Variants in DNAH8 observed in about 807,000 individuals in gnomAD.
The protein encoded by DNAH8 is dynein axonemal heavy chain 8.
DNAH8 carries 382 observed loss-of-function variants against 562.1 expected under a neutral mutation model. The observed-to-expected ratio is 0.68, with a 90% confidence interval of 0.63 to 0.74. The LOEUF is 0.74. Among genes scored for constraint, DNAH8 ranks in the 30% least tolerant of loss-of-function variants. The pLI is 0.00. For synonymous variants in DNAH8, 1,881 were observed against 1,919.4 expected, an observed-to-expected ratio of 0.98 and a Z score of 0.52; for missense variants, 5,203 against 5,620.4, an observed-to-expected ratio of 0.93 and a Z score of 2.37.
At chr6:38,916,625 G>A (rs2150544683) in intron 68 of DNAH8, among the ~76,000 whole-genome samples, 1 of 152,044 alleles carries the variant, frequency 6.6e-6, no homozygotes, top group African/African-American at 2.4e-5. Flanking sequence ...TTCCTTTATG[G>A]GTCTTACTGT....
At chr6:38,788,611 T>G (rs992726893) in intron 18 of DNAH8, among the ~76,000 whole-genome samples, 1 of 152,238 alleles carries the variant, frequency 6.6e-6, no homozygotes, top group Non-Finnish European at 1.5e-5. Context: ...TCAGATCCTT[T>G]GCTCATTTTT....
At chr6:38,776,799 T>C (rs1768123885) in intron 13 of DNAH8, among the ~76,000 whole-genome samples, 1 of 152,170 alleles carries the variant, frequency 6.6e-6, no homozygotes, top group African/African-American at 2.4e-5. Context: ...AAGATGTTTT[T>C]CTCTCACCTT....
intron 85 of DNAH8, among the ~76,000 whole-genome samples, chr6:38,975,232 A>C (rs1039713998): frequency 6.6e-6 from 1 of 152,172 alleles, no homozygotes; most frequent in Non-Finnish European, 1.5e-5. Context: ...AATTATTGTT[A>C]GTGTTTTGTT....
intron 91 of DNAH8, among the ~76,000 whole-genome samples, chr6:39,023,321 T>C (rs951859047): frequency 6.6e-6 from 1 of 151,908 alleles, no homozygotes; most frequent in Non-Finnish European, 1.5e-5. Flanking sequence ...TGAAACCCCG[T>C]CTCTACTAAA....
At position 38,842,895 on chromosome 6, in the gene DNAH8, G is replaced by A. The variant is rs866233929; in HGVS notation, c.4837G>A (p.Asp1613Asn). The A allele has an allele frequency of 1.2e-6, 2 of 1,613,128 alleles. No homozygotes were observed. Among genetic ancestry groups the A allele is most frequent in the Non-Finnish European group, 8.5e-7 (1 of 1,179,348 alleles). The part of the protein sequence containing the change: ...MEAPLLKHKD[D>N]IEDICISAIK... ...AGCACCACTCCTTAAACATAAGGAT[G>A]ATATTGAGGTACATAAGTGTATACG... Residue 1613 changes from aspartate (D) to asparagine (N), a missense_variant, in exon 35 of 93, where the codon GAT (aspartate) becomes AAT (asparagine). Asp to Asn is a conservative substitution (Grantham distance 23). This residue lies in a region of DNAH8 where 2,176 missense variants were observed against 2,365.1 expected (regional missense o/e 0.92). Coordinates refer to ENST00000327475, the MANE Select transcript of DNAH8 (RefSeq NM_001206927.2).
Position 38,791,557 on chromosome 6 carries a change from C to G in DNAH8, c.2784C>G (p.Ile928Met). 6.2e-7 allele frequency: 1 copy of G among 1,607,534 alleles called. No homozygotes were observed. Among genetic ancestry groups the G allele is most frequent in the Non-Finnish European group, 8.5e-7 (1 of 1,178,432 alleles). Residue 928 changes from isoleucine to methionine, a missense_variant and splice_region_variant, in exon 21 of 93, where the codon ATC (isoleucine) becomes ATG (methionine). Around this residue, in one of 6 missense-constraint regions of DNAH8, gnomAD observed 2,176 missense variants for 2,365.1 expected, o/e 0.92. Coordinates refer to ENST00000327475, the MANE Select transcript of DNAH8 (RefSeq NM_001206927.2). ...TCTTACATTTTTCTTCCTTGTAGAT[C>G]AGTGACTTGTGTGAAATGCATATTG... is the stretch of plus-strand genomic sequence containing the variant. ...LDMFNQLLKK[I>M]SDLCEMHIDT...
intron 74 of DNAH8, among the ~76,000 whole-genome samples, chr6:38,928,466 G>A (rs1782281939): frequency 6.6e-6 from 1 of 152,102 alleles, no homozygotes; most frequent in African/African-American, 2.4e-5. Flanking sequence ...TAACTTACAG[G>A]AAGGTCTTTA....
chr6:38,732,234 C>G (rs548100938), intron 4 of DNAH8, among the ~76,000 whole-genome samples: 1 of 152,242 alleles, frequency 6.6e-6, no homozygotes, highest in African/African-American at 2.4e-5. Flanking sequence ...AGAAATCATT[C>G]CCTATTGATG....
In DNAH8 at chr6:38,982,417, T is replaced by C. The variant is rs759351858; in HGVS notation, c.12906T>C (p.Ser4302=). 2.5e-6 allele frequency: 4 copies of C among 1,610,550 alleles called. No individual in the cohort carries two copies. The highest frequency in any genetic ancestry group is 2.5e-6 in the Non-Finnish European group (3 of 1,176,814). The change falls in exon 86 of 93, where the codon AGT becomes AGC. Residue 4302 remains serine, a synonymous_variant. Coordinates refer to ENST00000327475, the MANE Select transcript of DNAH8 (RefSeq NM_001206927.2). Reference sequence around the variant, plus strand: ...TCAATTCTGCTGACTTTTCAGCCAGTGTTCAGTTTATTCAGAATCACCTTG... The same window carrying C: ...TCAATTCTGCTGACTTTTCAGCCAGCGTTCAGTTTATTCAGAATCACCTTG... ...YEFNSADFSA[S]VQFIQNHLDE...
Position 38,786,964 on chromosome 6 carries a change from T to G in DNAH8, c.2583+12T>G. 6.4e-7 allele frequency: 1 copy of G among 1,555,518 alleles called. No individual in the cohort carries two copies. The highest frequency in any genetic ancestry group is 8.7e-7 in the Non-Finnish European group (1 of 1,152,136). On this transcript the variant is annotated intron_variant, in intron 18 of 92. Coordinates refer to ENST00000327475, the MANE Select transcript of DNAH8 (RefSeq NM_001206927.2). ...AACTGTATTTGCAGGTAAGATAGAT[T>G]ATGTTTTCTAATTATTTTTGAAGGA...
In DNAH8 at chr6:38,873,178, C is replaced by T. The variant is rs753936390; in HGVS notation, c.7479+31C>T. 7.4e-6 allele frequency: 12 copies of T among 1,613,106 alleles called. No homozygotes were observed. In the South Asian group the frequency reaches 1.1e-4, roughly 15 times the overall value. On this transcript the variant is annotated intron_variant, in intron 51 of 92. Transcript: ENST00000327475. ...GCAGAGAGATGGGAAGAAGAACCCT[C>T]AGAGTCTCTCCACGTTTCACTTTCT... is the stretch of plus-strand genomic sequence containing the variant.
intron 92 of DNAH8, among the ~76,000 whole-genome samples, chr6:39,028,055 C>A (rs1404748737): frequency 6.6e-6 from 1 of 152,058 alleles, no homozygotes; most frequent in Non-Finnish European, 1.5e-5. Context: ...CTTCAGTTTC[C>A]AGTATTATCT....
At chr6:38,766,747 T>C (rs1001893298) in intron 11 of DNAH8, among the ~76,000 whole-genome samples, 2 of 152,142 alleles carry the variant, frequency 1.3e-5, no homozygotes, top group African/African-American at 4.8e-5. Context: ...GAGGATGTGC[T>C]AATTAGCTTG....
chr6:38,853,832 C>T (rs1159194162), intron 41 of DNAH8, among the ~76,000 whole-genome samples: 2 of 152,012 alleles, frequency 1.3e-5, no homozygotes, highest in Admixed American at 6.6e-5. Flanking sequence ...AACACCAAGC[C>T]TATTTTATAA....
chr6:38,906,256 C>T lies in DNAH8; in HGVS notation c.9197C>T (p.Ser3066Phe), dbSNP rs1463693356. Reference protein sequence around the residue: ...YQIFQITLTRSYNVTNLTDDL... With the variant: ...YQIFQITLTRFYNVTNLTDDL... ...CTTTCTATCATTTTTCTTCTTAGGT[C>T]TTACAATGTGACTAATCTAACAGAT... The change falls in exon 63 of 93, where the codon TCT (serine) becomes TTT (phenylalanine). Residue 3066 changes from serine to phenylalanine, a missense_variant and splice_region_variant. Coordinates refer to ENST00000327475, the MANE Select transcript of DNAH8 (RefSeq NM_001206927.2). The T allele has an allele frequency of 3.5e-5, 56 of 1,581,182 alleles. No homozygotes were observed. The highest frequency in any genetic ancestry group is 4.5e-5 in the Non-Finnish European group (52 of 1,159,322).
At chr6:38,853,765 T>C (rs1775955216) in intron 41 of DNAH8, among the ~76,000 whole-genome samples, 1 of 152,140 alleles carries the variant, frequency 6.6e-6, no homozygotes. Context: ...CTTGGTCTAG[T>C]ATGTCTTAAA....
intron 39 of DNAH8, 110 bp from the exon 40 acceptor site, chr6:38,852,584 T>C: frequency 1.4e-6 from 1 of 731,958 alleles, no homozygotes; most frequent in Non-Finnish European, 2.2e-6. Flanking sequence ...TTTGAGACAA[T>C]AAAGTAAATA....
At position 38,853,282 on chromosome 6, in the gene DNAH8, G is replaced by A. The variant is rs375461103; in HGVS notation, c.5668G>A (p.Ala1890Thr). The A allele has an allele frequency of 5.0e-5, 80 of 1,612,782 alleles. No individual in the cohort carries two copies. The highest frequency in any genetic ancestry group is 4.5e-4 in the South Asian group (41 of 90,866). ...ATCATTACATAATATAATTAGATCC[G>A]CTTTCTATCAAATCAGTGATTCAGG... is the stretch of plus-strand genomic sequence containing the variant. ...MSSLHNIIRS[A>T]FYQISDSGFQ... Residue 1890 changes from alanine to threonine, a missense_variant, in exon 41 of 93, where the codon GCT (alanine) becomes ACT (threonine). Coordinates refer to ENST00000327475, the MANE Select transcript of DNAH8 (RefSeq NM_001206927.2).
At position 38,887,009 on chromosome 6, in the gene DNAH8, G is replaced by T; in HGVS notation, c.8473+5G>T. The T allele has an allele frequency of 6.3e-7, 1 of 1,576,602 alleles. No individual in the cohort carries two copies. The highest frequency in any genetic ancestry group is 1.1e-5 in the South Asian group (1 of 90,162). ...CTTCAATAGACAAAATTTTTGGTATGAATATTCTTAGCGTTTATTTTATTG... is the reference window on the plus strand; with the variant it reads ...CTTCAATAGACAAAATTTTTGGTATTAATATTCTTAGCGTTTATTTTATTG... On this transcript the variant is annotated splice_donor_5th_base_variant and intron_variant, in intron 57 of 92. Coordinates refer to ENST00000327475, the MANE Select transcript of DNAH8 (RefSeq NM_001206927.2).
Sources: gnomAD v4.1 joint callset for allele counts (sites outside exome capture counted in the v4.1 genomes callset) on GRCh38, gnomAD v4.1.1 for gene constraint, gnomAD v4.1.1 regional missense constraint, MANE v1.5 for transcripts, NCBI Gene and HGNC (gene_info 2026-07-23, HGNC 2026-07-21) for gene names.